The following GALNT13 variants were observed in gnomAD, a reference collection of about 807,000 sequenced individuals.
GALNT13 encodes UDP-GalNAc:polypeptide N-acetylgalactosaminyltransferase 13.
Under a neutral mutation model 64.2 loss-of-function variants are expected in GALNT13, and 28 were observed. That is an observed-to-expected ratio of 0.44 (90% CI 0.32 to 0.60). The LOEUF is 0.60. Among genes scored for constraint, GALNT13 ranks in the 20% least tolerant of loss-of-function variants. The pLI is 0.05. For missense variants in GALNT13, 577 were observed against 669.8 expected (o/e 0.86, Z 1.53); for synonymous variants, 214 against 224.6 (o/e 0.95, Z 0.42).
At chr2:154,348,376 A>T (rs571747487) in intron 9 of GALNT13, among the ~76,000 whole-genome samples, 4 of 151,940 alleles carry the variant, frequency 2.6e-5, no homozygotes, top group Admixed American at 1.3e-4. Context: ...CTTCCATTTG[A>T]ATAGTGTTAA....
chr2:153,277,908 CTTTTG>C, the GALNT13 span, among the ~76,000 whole-genome samples: 571 of 69,494 alleles, frequency 8.2e-3, 11 homozygotes, highest in African/African-American at 0.027. Flanking sequence ...TTTCTTTTTT[CTTTTG>C]TTTTCTTTTC....
the GALNT13 span, among the ~76,000 whole-genome samples, chr2:153,361,128 C>T: frequency 2.0e-5 from 3 of 152,080 alleles, no homozygotes; most frequent in South Asian, 2.1e-4. Flanking sequence ...CACAGCAGCC[C>T]TGCAAAAGAG....
chr2:153,395,926 T>C, the GALNT13 span, among the ~76,000 whole-genome samples: 1 of 152,168 alleles, frequency 6.6e-6, no homozygotes, highest in African/African-American at 2.4e-5. Flanking sequence ...AAACATTTTC[T>C]ATAAAGAATA....
chr2:153,124,758 T>C, the GALNT13 span, among the ~76,000 whole-genome samples: 1 of 152,180 alleles, frequency 6.6e-6, no homozygotes, highest in African/African-American at 2.4e-5. Context: ...CACCTCGGCC[T>C]CCCAAAGTGC....
At chr2:153,827,607 C>T in the GALNT13 span, among the ~76,000 whole-genome samples, 5 of 130,774 alleles carry the variant, frequency 3.8e-5, no homozygotes, top group African/African-American at 1.2e-4. Flanking sequence ...GCCTGGGCAA[C>T]AGAGCGAGAC....
chr2:154,010,460 G>C (rs575963899), intron 3 of GALNT13, among the ~76,000 whole-genome samples: 4 of 152,276 alleles, frequency 2.6e-5, no homozygotes, highest in South Asian at 2.1e-4. Flanking sequence ...GGGTGGATTA[G>C]CTTTTTGATG....
intron 4 of GALNT13, among the ~76,000 whole-genome samples, chr2:154,211,926 A>G (rs528844362): frequency 6.6e-6 from 1 of 152,226 alleles, no homozygotes; most frequent in East Asian, 1.9e-4. Flanking sequence ...AAATGAGGGT[A>G]GGTCATTTCC....
At chr2:153,281,112 A>G in the GALNT13 span, among the ~76,000 whole-genome samples, 1 of 152,102 alleles carries the variant, frequency 6.6e-6, no homozygotes, top group East Asian at 1.9e-4. Flanking sequence ...TCACTATATT[A>G]TGTCTTTCTT....
intron 4 of GALNT13, among the ~76,000 whole-genome samples, chr2:154,145,096 C>CTATATATATATA (rs1306928627): frequency 2.3e-4 from 29 of 124,056 alleles, no homozygotes; most frequent in African/African-American, 8.8e-4. Flanking sequence ...ATCTATCTAT[C>CTATATATATATA]TATCTATATA....
chr2:153,590,111 C>T, the GALNT13 span, among the ~76,000 whole-genome samples: 3 of 151,808 alleles, frequency 2.0e-5, no homozygotes, highest in South Asian at 6.3e-4. Flanking sequence ...CTAGAGTAAC[C>T]AAGAAAAGAC....
the GALNT13 span, among the ~76,000 whole-genome samples, chr2:153,289,109 A>G: frequency 1.3e-5 from 2 of 152,114 alleles, no homozygotes; most frequent in Non-Finnish European, 2.9e-5. Context: ...CATTTTTGTA[A>G]TTAAAAATCT....
At chr2:154,285,214 T>A (rs1162427557) in intron 8 of GALNT13, among the ~76,000 whole-genome samples, 1 of 152,210 alleles carries the variant, frequency 6.6e-6, no homozygotes, top group Non-Finnish European at 1.5e-5. Flanking sequence ...AAGAGCTTTT[T>A]AGTTTGACAC....
chr2:153,606,189 A>G, the GALNT13 span, among the ~76,000 whole-genome samples: 2 of 152,144 alleles, frequency 1.3e-5, no homozygotes, highest in African/African-American at 4.8e-5. Context: ...GTGTATATAT[A>G]TCTATTTGTA....
the GALNT13 span, among the ~76,000 whole-genome samples, chr2:153,522,195 G>A: frequency 6.6e-5 from 10 of 152,086 alleles, no homozygotes; most frequent in Non-Finnish European, 1.5e-4. Context: ...TTAGTCAGGT[G>A]TGGTGGCACG....
chr2:153,395,342 G>A, the GALNT13 span, among the ~76,000 whole-genome samples: 8 of 152,218 alleles, frequency 5.3e-5, no homozygotes, highest in South Asian at 4.1e-4. Context: ...ATGGAGTCAC[G>A]GTTGTACAGA....
intron 4 of GALNT13, chr2:154,236,119 T>C: frequency 8.7e-7 from 1 of 1,146,066 alleles, no homozygotes; most frequent in Non-Finnish European, 1.1e-6. Flanking sequence ...GGAGAAGACT[T>C]TCTGACTTTC....
intron 7 of GALNT13, among the ~76,000 whole-genome samples, chr2:154,257,905 T>G (rs1350877937): frequency 6.6e-6 from 1 of 152,178 alleles, no homozygotes. Flanking sequence ...CTATAGCAGT[T>G]TCTCACCCTT....
At chr2:154,346,596 G>T (rs1015988462) in intron 9 of GALNT13, among the ~76,000 whole-genome samples, 2 of 152,038 alleles carry the variant, frequency 1.3e-5, no homozygotes, top group African/African-American at 4.8e-5. Flanking sequence ...ACCATGTAAA[G>T]TGTACCTTTT....
At chr2:154,448,658 A>C (rs1191920374) in intron 12 of GALNT13, among the ~76,000 whole-genome samples, 1 of 152,038 alleles carries the variant, frequency 6.6e-6, no homozygotes, top group Non-Finnish European at 1.5e-5. Flanking sequence ...GTGTTTTTAA[A>C]ATTATTATTT....
Sources: gnomAD v4.1 joint callset for allele counts (sites outside exome capture counted in the v4.1 genomes callset) on GRCh38, gnomAD v4.1.1 for gene constraint, MANE v1.5 for transcripts, NCBI Gene and HGNC (gene_info 2026-07-23, HGNC 2026-07-21) for gene names.